Variants in ABCA1 observed in about 807,000 individuals in gnomAD.
ABCA1 encodes the protein phospholipid-transporting ATPase ABCA1.
ABCA1 carries 133 observed loss-of-function variants against 262.5 expected under a neutral mutation model. That is an observed-to-expected ratio of 0.51 (90% CI 0.44 to 0.59). ABCA1 has a LOEUF of 0.59. Among genes scored for constraint, ABCA1 ranks in the 20% least tolerant of loss-of-function variants. ABCA1 has a pLI of 0.00. For synonymous variants in ABCA1, 1,022 were observed against 1,043.5 expected (o/e 0.98, Z 0.40); for missense variants, 2,452 against 2,777.5 (o/e 0.88, Z 2.63).
chr9:104,799,596 C>A (rs934054498), intron 36 of ABCA1: 1 of 985,152 alleles, frequency 1.0e-6, no homozygotes, highest in Admixed American at 6.2e-5. Context: ...CTAAATGTTA[C>A]GATTTTTACA....
At chr9:104,829,981 C>CAT (rs1491045776) in intron 14 of ABCA1, among the ~76,000 whole-genome samples, 2 of 145,174 alleles carry the variant, frequency 1.4e-5, no homozygotes, top group Non-Finnish European at 3.0e-5. Context: ...CACACACACA[C>CAT]ATCCCACCAC....
At chr9:104,889,225 A>C (rs775151047) in intron 2 of ABCA1, 30 bp from the exon 3 acceptor site, 1 of 1,608,684 alleles carries the variant, frequency 6.2e-7, no homozygotes, top group Non-Finnish European at 8.5e-7. Flanking sequence ...GAACACTGTA[A>C]ATTTAAAAAT....
At chr9:104,856,112 T>C in intron 7 of ABCA1, 1 of 1,571,648 alleles carries the variant, frequency 6.4e-7, no homozygotes, top group South Asian at 1.2e-5. Flanking sequence ...TGTTGAAATT[T>C]CAACCAAGCA....
chr9:104,814,163 T>C lies in ABCA1; in HGVS notation c.3856A>G (p.Thr1286Ala). ...TTTGGATCAGCAGCATCATCTTCAG[T>C]GAACGGGCGAAGACAGCTCTGCTTG... ...GDKQSCLRPF[T>A]EDDAADPNDS... The change falls in exon 27 of 50, where the codon ACT becomes GCT. Residue 1286 changes from threonine (T) to alanine (A), a missense_variant. Physicochemically the swap from Thr to Ala is moderately conservative, Grantham distance 58. Coordinates refer to ENST00000374736, the MANE Select transcript of ABCA1 (RefSeq NM_005502.4). The C allele has an allele frequency of 6.2e-7, 1 of 1,614,248 alleles. No individual in the cohort carries two copies. Among genetic ancestry groups the C allele is most frequent in the Non-Finnish European group, 8.5e-7 (1 of 1,180,044 alleles).
intron 45 of ABCA1, 66 bp downstream of exon 45, chr9:104,788,360 A>C: frequency 6.2e-7 from 1 of 1,610,456 alleles, no homozygotes; most frequent in Non-Finnish European, 8.5e-7. Flanking sequence ...GCGTGTGGAA[A>C]AGCCATAAGG....
At chr9:104,823,282 C>G (rs1832533278) in intron 18 of ABCA1, among the ~76,000 whole-genome samples, 1 of 152,170 alleles carries the variant, frequency 6.6e-6, no homozygotes, top group Admixed American at 6.5e-5. Flanking sequence ...CTAGTAATTA[C>G]ATGAATTCAC....
At chr9:104,816,935 A>G (rs1359051805) in intron 24 of ABCA1, among the ~76,000 whole-genome samples, 1 of 152,094 alleles carries the variant, frequency 6.6e-6, no homozygotes, top group Non-Finnish European at 1.5e-5. Flanking sequence ...GGCCTCCTAC[A>G]CACGCTACCC....
At chr9:104,871,422 T>C (rs1462566030) in intron 5 of ABCA1, among the ~76,000 whole-genome samples, 1 of 152,050 alleles carries the variant, frequency 6.6e-6, no homozygotes, top group East Asian at 1.9e-4. Context: ...AGAATGAGGG[T>C]TGAAGACCCT....
Position 104,874,813 on chromosome 9 carries a change from G to A in ABCA1, c.421+8226C>T, listed in dbSNP as rs537843572. On this transcript the variant is annotated intron_variant, in intron 5 of 49. Transcript: ENST00000374736. Reference sequence around the variant, plus strand: ...CCCCGCCCGGCCAGCCGCCCCGTCCGGGAGGGAGGTGGGGGCCAGCCCCCG... The same window carrying A: ...CCCCGCCCGGCCAGCCGCCCCGTCCAGGAGGGAGGTGGGGGCCAGCCCCCG... Among the ~76,000 whole-genome samples, 4 of 140,610 alleles carry A rather than the reference G, an allele frequency of 2.8e-5. No individual in the cohort carries two copies. The South Asian group carries it at 6.3e-4, about 22-fold the overall frequency. The allele number at this position is 140,610 out of a possible 152,430, so 92.2% of individuals were successfully genotyped here. A position where few individuals can be genotyped will look rare whatever the true frequency, so the allele number is the denominator to read the frequency against.
intron 1 of ABCA1, among the ~76,000 whole-genome samples, chr9:104,915,660 A>G (rs537723666): frequency 1.3e-5 from 2 of 152,258 alleles, no homozygotes; most frequent in East Asian, 3.9e-4. Flanking sequence ...GATTTTCACA[A>G]ATCAAACATT....
intron 1 of ABCA1, among the ~76,000 whole-genome samples, chr9:104,907,079 C>G (rs1841200491): frequency 6.6e-6 from 1 of 152,214 alleles, no homozygotes; most frequent in African/African-American, 2.4e-5. Flanking sequence ...TCACCAAGGT[C>G]TACCTGGCCT....
intron 3 of ABCA1, among the ~76,000 whole-genome samples, chr9:104,886,060 C>A (rs1209891389): frequency 1.3e-5 from 2 of 152,130 alleles, no homozygotes; most frequent in Non-Finnish European, 2.9e-5. Flanking sequence ...TCGCATGAGA[C>A]CTTGCAGGCA....
chr9:104,845,400 C>T (rs1834774065), intron 8 of ABCA1, 77 bp downstream of exon 8: 1 of 1,001,744 alleles, frequency 1.0e-6, no homozygotes, highest in Non-Finnish European at 1.6e-6. Context: ...CTCAAAAGGA[C>T]CTCTTGCCAG....
intron 5 of ABCA1, among the ~76,000 whole-genome samples, chr9:104,862,270 A>ATT (rs201007171): frequency 0.055 from 8,004 of 145,928 alleles, 422 homozygotes; most frequent in East Asian, 0.31. Context: ...TGACTGGCAA[A>ATT]TTTTTTTTTT....
chr9:104,817,282 G>C lies in ABCA1; in HGVS notation c.3535+50C>G, dbSNP rs1460154727. ...TCCTCCTCTGCCTCCACTCTGCCCA[G>C]CTGGGGGAAGCTCAGGCACCACCTG... On this transcript the variant is annotated intron_variant, in intron 24 of 49. Transcript: ENST00000374736. The surrounding 1 kb of genome is among the most constrained non-coding windows in gnomAD (Gnocchi z 4.7). 6.2e-7 allele frequency: 1 copy of C among 1,613,838 alleles called. No homozygotes were observed. Among genetic ancestry groups the C allele is most frequent in the East Asian group, 2.2e-5 (1 of 44,872 alleles).
rs1411584676 is a variant in ABCA1 at position 104,783,403 on chromosome 9, A to C, written c.*912T>G. 6.6e-6 allele frequency: 1 copy of C among 152,236 alleles called. No individual in the cohort carries two copies. Among genetic ancestry groups the C allele is most frequent in the African/African-American group, 2.4e-5 (1 of 41,462 alleles). 9.4% of individuals were successfully genotyped at this position (152,236 alleles called of 1,614,324 possible). A position where few individuals can be genotyped will look rare whatever the true frequency, so the allele number is the denominator to read the frequency against. ...GATGCAGTGTACCATGTTAGCAGACAGTCAGGACAAATGGGCACAGGCTTC... is the reference window on the plus strand; with the variant it reads ...GATGCAGTGTACCATGTTAGCAGACCGTCAGGACAAATGGGCACAGGCTTC... On this transcript the variant is annotated 3_prime_UTR_variant, in exon 50 of 50. Transcript: ENST00000374736.
intron 5 of ABCA1, among the ~76,000 whole-genome samples, chr9:104,875,134 T>C (rs1483612396): frequency 6.6e-6 from 1 of 151,910 alleles, no homozygotes. Context: ...TTCCATTTTG[T>C]TCTGTACTAA....
Position 104,799,803 on chromosome 9 carries a change from A to C in ABCA1, c.4943+16T>G. 1 of 1,614,110 alleles carries C rather than the reference A, an allele frequency of 6.2e-7. No individual in the cohort carries two copies. Among genetic ancestry groups the C allele is most frequent in the Non-Finnish European group, 8.5e-7 (1 of 1,180,018 alleles). ...CCCTTGCCCCACTCCATCTATACAG[A>C]CACAGCCACACTTACAGAGCCACCT... On this transcript the variant is annotated intron_variant, in intron 36 of 49. Transcript: ENST00000374736.
chr9:104,887,275 C>G (rs1307158765), intron 3 of ABCA1, among the ~76,000 whole-genome samples: 1 of 143,968 alleles, frequency 6.9e-6, no homozygotes, highest in Non-Finnish European at 1.5e-5. Context: ...AAGACCATCT[C>G]AAAACAAACA....
Sources: gnomAD v4.1 joint callset for allele counts (sites outside exome capture counted in the v4.1 genomes callset) on GRCh38, gnomAD v4.1.1 for gene constraint, Gnocchi (gnomAD v3.1) non-coding constraint, MANE v1.5 for transcripts, NCBI Gene and HGNC (gene_info 2026-07-23, HGNC 2026-07-21) for gene names.